The following USP28 variants were observed in gnomAD, a reference collection of about 807,000 sequenced individuals.
The protein encoded by USP28 is ubiquitin specific peptidase 28, also known as ubiquitin carboxyl-terminal hydrolase 28.
In USP28, 113 loss-of-function variants were observed where a neutral mutation model predicts 145.0. That is an observed-to-expected ratio of 0.78 (90% CI 0.67 to 0.91). The LOEUF is 0.91. Among genes scored for constraint, USP28 ranks in the 40% least tolerant of loss-of-function variants. The pLI is 0.00. For synonymous variants in USP28, 447 were observed against 450.9 expected (o/e 0.99, Z 0.11); for missense variants, 1,201 against 1,289.6 (o/e 0.93, Z 1.05).
At chr11:113,817,812 C>A in exon 13 of USP28, 1 of 1,614,154 alleles carries the variant, frequency 6.2e-7, no homozygotes, top group Non-Finnish European at 8.5e-7. Flanking sequence ...GGGAACCGAG[C>A]TGGGCCTGAG....
In USP28 at chr11:113,803,881, A is replaced by T. The variant is rs1460715001; in HGVS notation, c.2659-4T>A. 6.2e-7 allele frequency: 1 copy of T among 1,610,342 alleles called. No individual in the cohort carries two copies. The highest frequency in any genetic ancestry group is 8.5e-7 in the Non-Finnish European group (1 of 1,178,348). ...AACTATAATCTTCATGCCACTTCTG[A>T]AAAAGAATGACGATTATTAATAATC... On this transcript the variant is annotated splice_polypyrimidine_tract_variant and splice_region_variant and intron_variant, in intron 21 of 24. Transcript: ENST00000003302.
intron 17 of USP28, 32 bp from the exon 18 acceptor site, chr11:113,808,469 C>T: frequency 6.2e-7 from 1 of 1,609,286 alleles, no homozygotes; most frequent in Non-Finnish European, 8.5e-7. Context: ...GTCTTAGCAT[C>T]TAATGATAAA....
At chr11:113,840,530 T>C in intron 5 of USP28, 68 bp downstream of exon 5, 5 of 1,549,028 alleles carry the variant, frequency 3.2e-6, no homozygotes, top group Non-Finnish European at 4.4e-6. Flanking sequence ...GCTATGTTTC[T>C]ACATTTCAGT....
chr11:113,873,800 C>G (rs567302731), intron 1 of USP28, among the ~76,000 whole-genome samples: 1 of 152,128 alleles, frequency 6.6e-6, no homozygotes, highest in Non-Finnish European at 1.5e-5. Context: ...ATGATACTTT[C>G]GTTTCGGAGC....
At chr11:113,864,726 C>G (rs996530220) in intron 1 of USP28, among the ~76,000 whole-genome samples, 1 of 152,214 alleles carries the variant, frequency 6.6e-6, no homozygotes, top group Admixed American at 6.5e-5. Context: ...CTGCTCTACA[C>G]AGTCTACTGA....
intron 16 of USP28, 36 bp downstream of exon 16, chr11:113,812,240 T>A (rs774439373): frequency 5.8e-6 from 9 of 1,556,018 alleles, no homozygotes; most frequent in Admixed American, 5.0e-5. Flanking sequence ...AGTACAGATT[T>A]TCCCCAATCT....
chr11:113,801,751 CA>C, intron 23 of USP28, 73 bp from the exon 25 acceptor site: 5 of 1,307,312 alleles, frequency 3.8e-6, no homozygotes, highest in Non-Finnish European at 5.1e-6. Context: ...ACAGTCTAAA[CA>C]AGTGGTTCCC....
At chr11:113,801,986 T>A (rs1939113523) in intron 23 of USP28, among the ~76,000 whole-genome samples, 1 of 152,220 alleles carries the variant, frequency 6.6e-6, no homozygotes, top group South Asian at 2.1e-4. Flanking sequence ...ACCTGTTCAC[T>A]GGTTGTCTAT....
chr11:113,873,488 C>A (rs1029806487), intron 1 of USP28, among the ~76,000 whole-genome samples: 5 of 152,136 alleles, frequency 3.3e-5, no homozygotes, highest in Non-Finnish European at 1.5e-5. Context: ...CAGTCTCAAA[C>A]GGAGAATGCT....
At chr11:113,851,170 T>C (rs1025885099) in intron 3 of USP28, among the ~76,000 whole-genome samples, 19 of 152,234 alleles carry the variant, frequency 1.2e-4, no homozygotes, top group Admixed American at 1.2e-3. Flanking sequence ...CTGGCCTGGG[T>C]TCCCTAATCT....
chr11:113,874,537 G>A (rs1469076861), intron 1 of USP28: 1 of 1,288,448 alleles, frequency 7.8e-7, no homozygotes, highest in Admixed American at 2.3e-5. Context: ...CTGTCTGCCA[G>A]CTTTGTACGA....
At position 113,826,398 on chromosome 11, in the gene USP28, G is replaced by T. The variant is rs542993185; in HGVS notation, c.1187+835C>A. On this transcript the variant is annotated intron_variant, in intron 11 of 24. Coordinates refer to ENST00000003302, the Ensembl canonical transcript of USP28. ...GGGTCTCACTCTGTTACCCAGGCTG[G>T]AGTGCAGTGACATGAACAGGGCTCA... Among the ~76,000 whole-genome samples, 3 of 133,318 alleles carry T rather than the reference G, an allele frequency of 2.3e-5. No individual in the cohort carries two copies. The East Asian group carries it at 6.6e-4, about 30-fold the overall frequency. The allele number at this position is 133,318 out of a possible 152,430, so 87.5% of individuals were successfully genotyped here.
intron 3 of USP28, 31 bp from the exon 4 acceptor site, chr11:113,841,799 A>G (rs1280825447): frequency 1.3e-6 from 2 of 1,483,242 alleles, no homozygotes; most frequent in Admixed American, 1.8e-5. Context: ...TAATTAGTCT[A>G]TATATAGGAA....
At chr11:113,839,657 G>C (rs1414296721) in intron 5 of USP28, among the ~76,000 whole-genome samples, 1 of 152,160 alleles carries the variant, frequency 6.6e-6, no homozygotes, top group Non-Finnish European at 1.5e-5. Context: ...GGGAGGCTGA[G>C]GCGGGCGGAA....
Position 113,817,716 on chromosome 11 carries a change from T to C in USP28, c.1405A>G (p.Met469Val), listed in dbSNP as rs201888639. 72 of 1,614,250 alleles carry C rather than the reference T, an allele frequency of 4.5e-5. No homozygotes were observed. The East Asian group carries it at 1.6e-3, about 35-fold the overall frequency. The change falls in exon 13 of 25, where the codon ATG becomes GTG. Residue 469 changes from methionine to valine, a missense_variant. Transcript: ENST00000003302. ...TGCACTGAAGAAAGTGGTAATGTCA[T>C]ATGTGTGTCACTTTCAGGTGGACAG...
At chr11:113,817,523 C>A in intron 13 of USP28, 135 bp downstream of exon 13, 1 of 1,037,118 alleles carries the variant, frequency 9.6e-7, no homozygotes, top group Non-Finnish European at 1.4e-6. Context: ...TCAGCAAAAC[C>A]CTTCCCTTTA....
At chr11:113,843,052 G>A (rs1024761651) in intron 3 of USP28, among the ~76,000 whole-genome samples, 1 of 152,028 alleles carries the variant, frequency 6.6e-6, no homozygotes, top group Admixed American at 6.6e-5. Flanking sequence ...CCAACATGGT[G>A]GAACCTCGTC....
chr11:113,857,556 A>T (rs1204921650), intron 1 of USP28, among the ~76,000 whole-genome samples: 1 of 152,204 alleles, frequency 6.6e-6, no homozygotes, highest in African/African-American at 2.4e-5. Flanking sequence ...AACTGTTGTT[A>T]TAACAATAGT....
chr11:113,856,189 G>A (rs192780831), intron 1 of USP28, among the ~76,000 whole-genome samples: 214 of 152,202 alleles, frequency 1.4e-3, no homozygotes, highest in Non-Finnish European at 1.6e-3. Context: ...AATTCCATTT[G>A]ATTTTACTGT....
Sources: gnomAD v4.1 joint callset for allele counts (sites outside exome capture counted in the v4.1 genomes callset) on GRCh38, gnomAD v4.1.1 for gene constraint, MANE v1.5 for transcripts, NCBI Gene and HGNC (gene_info 2026-07-23, HGNC 2026-07-21) for gene names.